Variants in CCDC77 observed in about 807,000 individuals in gnomAD.
CCDC77 encodes the protein coiled-coil domain-containing protein 77.
CCDC77 carries 56 observed loss-of-function variants against 66.8 expected under a neutral mutation model. The ratio of observed to expected loss-of-function variants is 0.84; its 90% CI spans 0.68 to 1.05. The LOEUF (loss-of-function observed/expected upper bound fraction) is 1.05, where lower values mean the gene tolerates loss of function less well. CCDC77 is among the 50% of genes least tolerant of loss of function. The probability of loss-of-function intolerance (pLI) is 0.00; values close to 1 mark genes in which losing one functional copy is unlikely to be tolerated. For missense variants in CCDC77, 570 were observed against 576.8 expected, an observed-to-expected ratio of 0.99 and a Z score of 0.12; for synonymous variants, 196 against 195.2, an observed-to-expected ratio of 1.00 and a Z score of -0.03.
upstream of CCDC77, among the ~76,000 whole-genome samples, chr12:397,140 G>T (rs1056726137): frequency 7.2e-5 from 11 of 152,138 alleles, no homozygotes; most frequent in African/African-American, 2.7e-4. Flanking sequence ...TTGGGAGGCT[G>T]AGGCGGGTGG....
At chr12:423,477 GTGTTTTTTTTTGTTTT>G (rs1945462797) in intron 5 of CCDC77, among the ~76,000 whole-genome samples, 1 of 24,958 alleles carries the variant, frequency 4.0e-5, no homozygotes, top group African/African-American at 9.6e-5. Context: ...TGTGTTTTTT[GTGTTTTTTTTTGTTTT>G]GTTTTTTTTT....
chr12:435,679 C>T (rs1444985434), intron 9 of CCDC77, among the ~76,000 whole-genome samples: 2 of 152,176 alleles, frequency 1.3e-5, no homozygotes, highest in African/African-American at 4.8e-5. Flanking sequence ...TCCCTGTAGT[C>T]CTTCTAATCA....
chr12:415,550 A>G (rs1466950236), intron 4 of CCDC77, among the ~76,000 whole-genome samples: 1 of 149,632 alleles, frequency 6.7e-6, no homozygotes, highest in East Asian at 1.9e-4. Flanking sequence ...TAATATGTTG[A>G]TATTATTAAC....
intron 1 of CCDC77, chr12:389,654 G>A: frequency 5.5e-6 from 1 of 180,392 alleles, no homozygotes; most frequent in Non-Finnish European, 1.2e-5. Flanking sequence ...GGCAGAGGTT[G>A]TGCTTCCGGT....
upstream of CCDC77, among the ~76,000 whole-genome samples, chr12:397,134 G>A (rs867148724): frequency 6.6e-6 from 1 of 152,116 alleles, no homozygotes; most frequent in African/African-American, 2.4e-5. Flanking sequence ...ACCACTTTGG[G>A]AGGCTGAGGC....
intron 1 of CCDC77, among the ~76,000 whole-genome samples, chr12:394,405 T>G (rs1944800127): frequency 6.6e-6 from 1 of 152,214 alleles, no homozygotes; most frequent in South Asian, 2.1e-4. Context: ...CCCAGTGAAA[T>G]CTATGTAATG....
chr12:418,529 A>G lies in CCDC77; in HGVS notation c.306A>G (p.Glu102=), dbSNP rs149444229. 1.9e-6 allele frequency: 3 copies of G among 1,612,794 alleles called. No homozygotes were observed. Among genetic ancestry groups the G allele is most frequent in the Admixed American group, 1.7e-5 (1 of 60,006 alleles). Residue 102 remains glutamate, a synonymous_variant, in exon 5 of 13, where the codon GAA becomes GAG. Coordinates refer to ENST00000239830, the MANE Select transcript of CCDC77 (RefSeq NM_032358.4). ...AATGTGATTTGCAGCAGAGGGAGGAAGAGATTGCTGAATTGCAGAAAGCTC... is the reference window on the plus strand; with the variant it reads ...AATGTGATTTGCAGCAGAGGGAGGAGGAGATTGCTGAATTGCAGAAAGCTC... ...KLECDLQQRE[E]EIAELQKALS...
In CCDC77 at chr12:441,956, G is replaced by A. The variant is rs2120356747; in HGVS notation, c.*36G>A. 6.2e-7 allele frequency: 1 copy of A among 1,610,362 alleles called. No individual in the cohort carries two copies. The highest frequency in any genetic ancestry group is 8.5e-7 in the Non-Finnish European group (1 of 1,177,418). Reference sequence around the variant, plus strand: ...TGGAAATGGCCCCCATTTAGAAGAGGTGTGCTTCTTGAAACCTGAGGACAA... The same window carrying A: ...TGGAAATGGCCCCCATTTAGAAGAGATGTGCTTCTTGAAACCTGAGGACAA... On this transcript the variant is annotated 3_prime_UTR_variant, in exon 13 of 13. Coordinates refer to ENST00000239830, the MANE Select transcript of CCDC77 (RefSeq NM_032358.4).
At position 439,370 on chromosome 12, in the gene CCDC77, A is replaced by C. The variant is rs184266404; in HGVS notation, c.1041+816A>C. On this transcript the variant is annotated intron_variant, in intron 10 of 12. Transcript: ENST00000239830. The stretch of plus-strand genomic sequence containing the variant: ...CCCCGTCTCTACTGAAAATATAAAA[A>C]TTGGTGGGGCGTGGTGGTGGGCACC... Among the ~76,000 whole-genome samples the C allele has an allele frequency of 8.6e-5, 13 of 151,722 alleles. No homozygotes were observed. In the East Asian group the frequency reaches 2.5e-3, roughly 30 times the overall value.
Position 415,417 on chromosome 12 carries a change from T to A in CCDC77, c.271-3077T>A, listed in dbSNP as rs534853124. ...ATATAATCAACATAATATGTTGATA[T>A]TATTAACATAATTAACATAATAATA... On this transcript the variant is annotated intron_variant, in intron 4 of 12. Coordinates refer to ENST00000239830, the MANE Select transcript of CCDC77 (RefSeq NM_032358.4). 1.1e-3 allele frequency among the ~76,000 whole-genome samples: 155 copies of A among 136,438 alleles called. 16 individuals are homozygous for A. Among genetic ancestry groups the A allele is most frequent in the Admixed American group, 2.0e-3 (27 of 13,334 alleles). The allele number at this position is 136,438 out of a possible 152,430, so 89.5% of individuals were successfully genotyped here.
upstream of CCDC77, chr12:401,507 G>C (rs1944893973): frequency 1.3e-5 from 2 of 152,308 alleles, no homozygotes; most frequent in African/African-American, 4.8e-5. Flanking sequence ...ACCGCGAGGA[G>C]GGGCGAGATG....
chr12:391,403 C>A (rs1283756523), intron 1 of CCDC77, among the ~76,000 whole-genome samples: 1 of 151,662 alleles, frequency 6.6e-6, no homozygotes, highest in Middle Eastern at 3.2e-3. Flanking sequence ...TGTAGTAAGC[C>A]GAGATCGTGC....
chr12:396,847 G>C (rs1350956260), upstream of CCDC77, among the ~76,000 whole-genome samples: 1 of 152,202 alleles, frequency 6.6e-6, no homozygotes, highest in African/African-American at 2.4e-5. Context: ...ACTACTGTCT[G>C]AACTTCATTC....
At chr12:397,386 G>A (rs78372754), upstream of CCDC77, among the ~76,000 whole-genome samples, 1 of 152,284 alleles carries the variant, frequency 6.6e-6, no homozygotes, top group African/African-American at 2.4e-5. Context: ...GAGCCGAGAT[G>A]TTTGGGAAGA....
chr12:402,243 T>G (rs1944910247), intron 1 of CCDC77, among the ~76,000 whole-genome samples: 1 of 152,170 alleles, frequency 6.6e-6, no homozygotes, highest in South Asian at 2.1e-4. Context: ...GAAGAGGCAA[T>G]GAAGAGTAAG....
At chr12:415,642 T>C (rs929054058) in intron 4 of CCDC77, among the ~76,000 whole-genome samples, 2 of 151,728 alleles carry the variant, frequency 1.3e-5, no homozygotes, top group Admixed American at 6.6e-5. Flanking sequence ...TTTTTGTTTT[T>C]TGTTTTTTGA....
At position 415,378 on chromosome 12, in the gene CCDC77, A is replaced by AATATTATGTTAATATAATCAACG. The variant is rs1565568080; in HGVS notation, c.271-3116_271-3115insATATTATGTTAATATAATCAACG. 1.9e-5 allele frequency among the ~76,000 whole-genome samples: 2 copies of AATATTATGTTAATATAATCAACG among 107,616 alleles called. 1 individual carries two copies. Among genetic ancestry groups the AATATTATGTTAATATAATCAACG allele is most frequent in the East Asian group, 5.8e-4 (2 of 3,450 alleles). 70.6% of individuals were successfully genotyped at this position (107,616 alleles called of 152,430 possible). The stretch of plus-strand genomic sequence containing the variant: ...ATAATATTATGTTAATATAATCAAC[A>AATATTATGTTAATATAATCAACG]TAATATTATGTTAATATAATCAACA... On this transcript the variant is annotated intron_variant, in intron 4 of 12. Coordinates refer to ENST00000239830, the MANE Select transcript of CCDC77 (RefSeq NM_032358.4).
In CCDC77 at chr12:415,323, TCAACA is replaced by T. The variant is rs1397912462; in HGVS notation, c.271-3170_271-3166del. Among the ~76,000 whole-genome samples the T allele has an allele frequency of 1.9e-3, 162 of 85,518 alleles. 6 individuals carry two copies. The highest frequency in any genetic ancestry group is 2.9e-3 in the Non-Finnish European group (122 of 42,670). The allele number at this position is 85,518 out of a possible 152,430, so 56.1% of individuals were successfully genotyped here. On this transcript the variant is annotated intron_variant, in intron 4 of 12. Coordinates refer to ENST00000239830, the MANE Select transcript of CCDC77 (RefSeq NM_032358.4). ...TCAACATAATATTATGTTAATATAATCAACATAATATTATGTTAATATAATCAACA... is the reference window on the plus strand; with the variant it reads ...TCAACATAATATTATGTTAATATAATTAATATTATGTTAATATAATCAACA...
At chr12:394,325 G>C (rs1944799542) in intron 1 of CCDC77, among the ~76,000 whole-genome samples, 1 of 152,190 alleles carries the variant, frequency 6.6e-6, no homozygotes, top group Non-Finnish European at 1.5e-5. Context: ...CATATTTAAA[G>C]GTCCAGATTT....
Sources: gnomAD v4.1 joint callset for allele counts (sites outside exome capture counted in the v4.1 genomes callset) on GRCh38, gnomAD v4.1.1 for gene constraint, MANE v1.5 for transcripts, NCBI Gene and HGNC (gene_info 2026-07-23, HGNC 2026-07-21) for gene names.